The following EEIG2 variants were observed in gnomAD, a reference collection of about 807,000 sequenced individuals.
The protein encoded by EEIG2 is EEIG family member 2.
chr1:108,574,238 A>T, the EEIG2 span, among the ~76,000 whole-genome samples: 2 of 151,030 alleles, frequency 1.3e-5, no homozygotes, highest in African/African-American at 4.9e-5. Flanking sequence ...TGAGGACATT[A>T]TGCTAAATAA....
the EEIG2 span, among the ~76,000 whole-genome samples, chr1:108,567,620 G>T: frequency 1.3e-5 from 2 of 152,164 alleles, no homozygotes; most frequent in Non-Finnish European, 2.9e-5. Flanking sequence ...CAGAAAACTG[G>T]TTCCAATATG....
the EEIG2 span, among the ~76,000 whole-genome samples, chr1:108,600,364 A>G: frequency 6.6e-6 from 1 of 152,102 alleles, no homozygotes; most frequent in Non-Finnish European, 1.5e-5. Flanking sequence ...CTTTTTTTCC[A>G]GTTTCCAGTG....
chr1:108,583,922 G>A, the EEIG2 span, among the ~76,000 whole-genome samples: 6 of 152,144 alleles, frequency 3.9e-5, no homozygotes, highest in Admixed American at 3.9e-4. Flanking sequence ...ACTATGGAAA[G>A]TACGTTAGAG....
chr1:108,579,770 T>TGAGAGA, the EEIG2 span, among the ~76,000 whole-genome samples: 51 of 23,198 alleles, frequency 2.2e-3, no homozygotes, highest in Admixed American at 0.014. Flanking sequence ...TGTGTGTGTG[T>TGAGAGA]GTGAGAGAGA....
chr1:108,582,101 ATTG>A, the EEIG2 span, among the ~76,000 whole-genome samples: 1 of 152,188 alleles, frequency 6.6e-6, no homozygotes, highest in Non-Finnish European at 1.5e-5. Context: ...AGCTGAGATG[ATTG>A]TTGGCATTTT....
the EEIG2 span, among the ~76,000 whole-genome samples, chr1:108,579,772 T>TGTGTGTGTGTGAGAGAGAGA: frequency 1.7e-5 from 1 of 58,822 alleles, no homozygotes; most frequent in African/African-American, 6.5e-5. Flanking sequence ...TGTGTGTGTG[T>TGTGTGTGTGTGAGAGAGAGA]GAGAGAGAGA....
At chr1:108,574,131 A>G in the EEIG2 span, among the ~76,000 whole-genome samples, 4 of 152,352 alleles carry the variant, frequency 2.6e-5, no homozygotes, top group African/African-American at 9.6e-5. Context: ...CACAGGATGA[A>G]TGGATAAACA....
the EEIG2 span, among the ~76,000 whole-genome samples, chr1:108,613,709 CATTGAT>C: frequency 1.3e-5 from 2 of 152,110 alleles, no homozygotes; most frequent in Non-Finnish European, 2.9e-5. Flanking sequence ...CGCTCCTATC[CATTGAT>C]GACTTAGCTC....
At chr1:108,586,183 T>C in the EEIG2 span, among the ~76,000 whole-genome samples, 1 of 152,162 alleles carries the variant, frequency 6.6e-6, no homozygotes, top group Non-Finnish European at 1.5e-5. Context: ...ACTCCAGACA[T>C]GCATGCAGAA....
At chr1:108,624,033 C>T in the EEIG2 span, among the ~76,000 whole-genome samples, 1 of 152,080 alleles carries the variant, frequency 6.6e-6, no homozygotes. Context: ...TGCTTCACAG[C>T]TTTTACGTGG....
the EEIG2 span, among the ~76,000 whole-genome samples, chr1:108,601,541 T>A: frequency 6.6e-6 from 1 of 151,456 alleles, no homozygotes. Flanking sequence ...ATTAGTAAAC[T>A]CAACTATATA....
chr1:108,564,548 G>T, the EEIG2 span, among the ~76,000 whole-genome samples: 1 of 152,174 alleles, frequency 6.6e-6, no homozygotes, highest in South Asian at 2.1e-4. Context: ...CATTTATGCG[G>T]TATGTGGATT....
At chr1:108,560,391 CGGCCGTGCGCCCAGCTTGCAGGCGCCT>C in the EEIG2 span, 10 of 1,528,226 alleles carry the variant, frequency 6.5e-6, no homozygotes, top group Middle Eastern at 1.7e-4. Context: ...CGGCGGCGCC[CGGCCGTGCGCCCAGCTTGCAGGCGCCT>C]GGCTCTCACG....
chr1:108,580,785 G>A, the EEIG2 span, among the ~76,000 whole-genome samples: 1 of 152,106 alleles, frequency 6.6e-6, no homozygotes, highest in African/African-American at 2.4e-5. Flanking sequence ...TGATTCACAG[G>A]GCTTAAGGAA....
the EEIG2 span, among the ~76,000 whole-genome samples, chr1:108,616,113 A>G: frequency 7.2e-6 from 1 of 138,594 alleles, no homozygotes; most frequent in African/African-American, 2.6e-5. Context: ...ATTGAATATA[A>G]CCCACTTCTT....
the EEIG2 span, chr1:108,634,983 C>A: frequency 2.4e-6 from 2 of 836,338 alleles, no homozygotes; most frequent in Non-Finnish European, 3.9e-6. Flanking sequence ...TGCCTTTAAA[C>A]GTTATGGAAA....
the EEIG2 span, chr1:108,600,826 T>A: frequency 2.6e-6 from 2 of 756,268 alleles, no homozygotes; most frequent in Non-Finnish European, 4.0e-6. Flanking sequence ...CTGCAGTAAT[T>A]AAAATACCAT....
At chr1:108,602,398 T>A in the EEIG2 span, among the ~76,000 whole-genome samples, 1 of 152,160 alleles carries the variant, frequency 6.6e-6, no homozygotes, top group Non-Finnish European at 1.5e-5. Context: ...TCGCCTAATG[T>A]CCAGCAGCCT....
the EEIG2 span, among the ~76,000 whole-genome samples, chr1:108,579,249 A>G: frequency 2.3e-5 from 1 of 43,430 alleles, no homozygotes; most frequent in Admixed American, 3.3e-4. Flanking sequence ...AGGAAGATCT[A>G]CCAAGCAAAT....
Sources: allele counts gnomAD v4.1 joint callset (sites outside exome capture counted in the v4.1 genomes callset), GRCh38; gene constraint gnomAD v4.1.1; transcripts MANE v1.5; gene names NCBI Gene and HGNC (gene_info 2026-07-23, HGNC 2026-07-21).